The following THRAP3 variants were observed in gnomAD, a reference collection of about 807,000 sequenced individuals.
THRAP3 encodes thyroid hormone receptor associated protein 3.
In THRAP3, 16 loss-of-function variants were observed where a neutral mutation model predicts 101.0. That is an observed-to-expected ratio of 0.16 (90% confidence interval 0.11 to 0.24). THRAP3 has a LOEUF of 0.24. Ranked by LOEUF, THRAP3 falls within the 10% of genes least tolerant of loss-of-function variation. The pLI is 1.00. For synonymous variants in THRAP3, 407 were observed against 422.6 expected (o/e 0.96, Z 0.45); for missense variants, 989 against 1,202.7 (o/e 0.82, Z 2.63).
chr1:36,268,305 GT>G (rs1397784722), intron 2 of THRAP3, among the ~76,000 whole-genome samples: 1 of 151,786 alleles, frequency 6.6e-6, no homozygotes, highest in Non-Finnish European at 1.5e-5. Context: ...GACTCAGTGT[GT>G]TTTTTATCAT....
At chr1:36,283,137 C>A (rs1346126791) in intron 3 of THRAP3, among the ~76,000 whole-genome samples, 1 of 152,188 alleles carries the variant, frequency 6.6e-6, no homozygotes, top group African/African-American at 2.4e-5. Context: ...AATAAACTTA[C>A]AGAAACTTAT....
upstream of THRAP3, among the ~76,000 whole-genome samples, chr1:36,223,081 C>T (rs1471490188): frequency 1.3e-5 from 2 of 152,020 alleles, no homozygotes; most frequent in Non-Finnish European, 2.9e-5. Context: ...GACCCAAAAT[C>T]GCACCACTGC....
At chr1:36,255,457 G>C (rs897855305) in intron 1 of THRAP3, among the ~76,000 whole-genome samples, 1 of 151,974 alleles carries the variant, frequency 6.6e-6, no homozygotes, top group East Asian at 1.9e-4. Flanking sequence ...GTGAGACCCT[G>C]TCTCTATTTA....
intron 9 of THRAP3, among the ~76,000 whole-genome samples, chr1:36,298,429 A>AC (rs2124640074): frequency 6.6e-6 from 1 of 152,226 alleles, no homozygotes; most frequent in Non-Finnish European, 1.5e-5. Context: ...ACACATGCCT[A>AC]CCTCTGACTT....
chr1:36,294,266 T>G, intron 8 of THRAP3: 1 of 1,046,146 alleles, frequency 9.6e-7, no homozygotes. Flanking sequence ...ATCAACTGTA[T>G]ACATGCACTA....
intron 1 of THRAP3, among the ~76,000 whole-genome samples, chr1:36,255,461 C>T (rs993478379): frequency 7.3e-5 from 11 of 151,404 alleles, no homozygotes; most frequent in African/African-American, 2.7e-4. Flanking sequence ...GACCCTGTCT[C>T]TATTTAATTA....
rs150922176 is a variant in THRAP3, at chr1:36,261,396, G to A, written c.-32+1912G>A. On this transcript the variant is annotated intron_variant, in intron 2 of 11. Coordinates refer to ENST00000354618, the MANE Select transcript of THRAP3 (RefSeq NM_005119.4). ...AAATACAAAAAAACTAGCCAGGCACGGTGGTGGGCGCCTGTAGTCCCAGCT... is the reference window on the plus strand; with the variant it reads ...AAATACAAAAAAACTAGCCAGGCACAGTGGTGGGCGCCTGTAGTCCCAGCT... Among the ~76,000 whole-genome samples, 1,490 of 152,288 alleles carry A rather than the reference G, an allele frequency of 9.8e-3. 27 individuals carry two copies. The highest frequency in any genetic ancestry group is 0.034 in the African/African-American group (1,401 of 41,560).
At chr1:36,234,588 G>A (rs1645064137) in intron 1 of THRAP3, among the ~76,000 whole-genome samples, 1 of 152,104 alleles carries the variant, frequency 6.6e-6, no homozygotes, top group Non-Finnish European at 1.5e-5. Context: ...CCGTGGAGGA[G>A]AAATAGGGAT....
At chr1:36,253,925 T>C (rs1645341431) in intron 1 of THRAP3, among the ~76,000 whole-genome samples, 1 of 151,952 alleles carries the variant, frequency 6.6e-6, no homozygotes, top group Admixed American at 6.6e-5. Context: ...TAAACTGTAT[T>C]CATTAAGAAA....
intron 2 of THRAP3, among the ~76,000 whole-genome samples, chr1:36,269,769 G>A (rs1186624846): frequency 6.6e-6 from 1 of 151,884 alleles, no homozygotes; most frequent in Non-Finnish European, 1.5e-5. Context: ...TGTAGAGACA[G>A]GGTCTCACTA....
chr1:36,303,835 A>AGCCGGG lies in THRAP3; in HGVS notation c.2697_2702dup (p.Arg901_Gly902dup), dbSNP rs1646060085. 1.9e-6 allele frequency: 3 copies of AGCCGGG among 1,614,116 alleles called. No homozygotes were observed. The highest frequency in any genetic ancestry group is 1.1e-5 in the South Asian group (1 of 91,082). On this transcript the variant is annotated inframe_insertion, in exon 12 of 12. Coordinates refer to ENST00000354618, the MANE Select transcript of THRAP3 (RefSeq NM_005119.4). ...AGGCGAAGGCAGTGACAAGTGGGTG[A>AGCCGGG]GCCGGGGCCGGGGCCGAGGAGCCTT...
At chr1:36,252,029 A>G (rs1238949832) in intron 1 of THRAP3, among the ~76,000 whole-genome samples, 4 of 152,222 alleles carry the variant, frequency 2.6e-5, no homozygotes, top group Admixed American at 1.3e-4. Context: ...TTGTTTTACT[A>G]TGAGTTGCTG....
At chr1:36,250,563 G>A (rs1410428088) in intron 1 of THRAP3, among the ~76,000 whole-genome samples, 3 of 152,142 alleles carry the variant, frequency 2.0e-5, no homozygotes, top group African/African-American at 7.2e-5. Flanking sequence ...CCACGTAATA[G>A]TGAGATTATT....
chr1:36,299,017 C>T (rs1231829001), intron 9 of THRAP3, among the ~76,000 whole-genome samples: 1 of 152,108 alleles, frequency 6.6e-6, no homozygotes, highest in African/African-American at 2.4e-5. Flanking sequence ...TGGTCTAGAA[C>T]TCCTGGGCTC....
intron 1 of THRAP3, among the ~76,000 whole-genome samples, chr1:36,249,953 G>C (rs1645279110): frequency 6.6e-6 from 1 of 152,092 alleles, no homozygotes. Context: ...GGAATGACAT[G>C]ATCATATTTG....
intron 1 of THRAP3, among the ~76,000 whole-genome samples, chr1:36,229,423 G>GTTTTTTTTTTTTT (rs35936037): frequency 7.7e-5 from 3 of 38,922 alleles, no homozygotes; most frequent in Admixed American, 3.8e-4. Flanking sequence ...TTTTTTTTTT[G>GTTTTTTTTTTTTT]TTTTTTTTTT....
intron 1 of THRAP3, among the ~76,000 whole-genome samples, chr1:36,227,859 C>G (rs1644979487): frequency 6.6e-6 from 1 of 151,912 alleles, no homozygotes; most frequent in African/African-American, 2.4e-5. Context: ...AACAAGTAAA[C>G]ATATTCTGCA....
At chr1:36,294,349 CTG>C (rs1398389500) in intron 8 of THRAP3, 13 of 516,850 alleles carry the variant, frequency 2.5e-5, no homozygotes, top group African/African-American at 6.2e-5. Flanking sequence ...CTTAAGTAGA[CTG>C]TTTTTAAACA....
chr1:36,252,268 G>A (rs995488755), intron 1 of THRAP3, among the ~76,000 whole-genome samples: 2 of 152,146 alleles, frequency 1.3e-5, no homozygotes, highest in Non-Finnish European at 2.9e-5. Flanking sequence ...TGGAATTATA[G>A]GCATGTGCCA....
Sources: gnomAD v4.1 joint callset for allele counts (sites outside exome capture counted in the v4.1 genomes callset) on GRCh38, gnomAD v4.1.1 for gene constraint, MANE v1.5 for transcripts, NCBI Gene and HGNC (gene_info 2026-07-23, HGNC 2026-07-21) for gene names.